CCDC178: variants seen among roughly 807,000 people sequenced by gnomAD.
CCDC178 encodes coiled-coil domain-containing protein 178.
A neutral mutation model predicts 117.4 loss-of-function variants in CCDC178; 126 were observed. The observed-to-expected ratio is 1.07, with a 90% CI of 0.93 to 1.24. The LOEUF (loss-of-function observed/expected upper bound fraction) is 1.24, where lower values mean the gene tolerates loss of function less well. Among genes scored for constraint, CCDC178 ranks in the 50% most tolerant of loss-of-function variants. The probability of loss-of-function intolerance (pLI) is 0.00; values close to 1 mark genes in which losing one functional copy is unlikely to be tolerated. For missense variants in CCDC178, 1,030 were observed against 986.9 expected (o/e 1.04, Z -0.59); for synonymous variants, 283 against 313.4 (o/e 0.90, Z 1.02).
At chr18:33,279,858 T>A (rs1268753772) in intron 12 of CCDC178, among the ~76,000 whole-genome samples, 1 of 152,146 alleles carries the variant, frequency 6.6e-6, no homozygotes, top group Non-Finnish European at 1.5e-5. Flanking sequence ...GGGAAAGGAT[T>A]CCCTATTTAA....
chr18:33,215,236 G>A (rs1440134769), intron 19 of CCDC178, among the ~76,000 whole-genome samples: 1 of 151,878 alleles, frequency 6.6e-6, no homozygotes, highest in African/African-American at 2.4e-5. Context: ...TAAACATGGA[G>A]TATAAATACT....
chr18:33,286,163 T>TGG (rs112505551), intron 12 of CCDC178, among the ~76,000 whole-genome samples: 1 of 151,628 alleles, frequency 6.6e-6, no homozygotes, highest in African/African-American at 2.4e-5. Context: ...TTAGTAGGGA[T>TGG]GGGGGGTTTC....
chr18:33,233,842 T>C (rs1007559834), intron 15 of CCDC178, among the ~76,000 whole-genome samples: 1 of 152,084 alleles, frequency 6.6e-6, no homozygotes, highest in African/African-American at 2.4e-5. Context: ...CCAGCCAGGA[T>C]TTGAATTAAG....
intron 21 of CCDC178, among the ~76,000 whole-genome samples, chr18:33,077,313 T>C (rs2057226798): frequency 1.3e-5 from 2 of 152,268 alleles, no homozygotes; most frequent in African/African-American, 4.8e-5. Flanking sequence ...GTACCTGTTA[T>C]AAGCTAAATA....
At chr18:33,080,205 T>C (rs1180596074) in intron 21 of CCDC178, among the ~76,000 whole-genome samples, 7 of 152,242 alleles carry the variant, frequency 4.6e-5, no homozygotes, top group Non-Finnish European at 1.0e-4. Context: ...CTCTCACTTA[T>C]AAGTAGGAGC....
At chr18:32,942,707 C>T (rs2054267957) in intron 22 of CCDC178, among the ~76,000 whole-genome samples, 1 of 151,750 alleles carries the variant, frequency 6.6e-6, no homozygotes, top group African/African-American at 2.4e-5. Flanking sequence ...TTTTTTTAAT[C>T]AAATTATCTC....
intron 21 of CCDC178, among the ~76,000 whole-genome samples, chr18:33,002,792 G>GA (rs1159437172): frequency 6.6e-6 from 1 of 150,762 alleles, no homozygotes; most frequent in Non-Finnish European, 1.5e-5. Flanking sequence ...GCCAAACTGA[G>GA]AAAAAAAAGA....
At chr18:33,221,843 G>A (rs1260940724) in intron 18 of CCDC178, among the ~76,000 whole-genome samples, 3 of 152,018 alleles carry the variant, frequency 2.0e-5, no homozygotes, top group African/African-American at 7.2e-5. Context: ...AGAAAAAGCT[G>A]ACCTTAATTG....
chr18:33,412,619 C>T (rs1189497530), intron 2 of CCDC178, among the ~76,000 whole-genome samples: 1 of 152,122 alleles, frequency 6.6e-6, no homozygotes, highest in Non-Finnish European at 1.5e-5. Context: ...CACCTACAAA[C>T]TGCCCTGTCT....
intron 11 of CCDC178, among the ~76,000 whole-genome samples, chr18:33,293,993 G>A (rs1406462457): frequency 6.6e-6 from 1 of 152,176 alleles, no homozygotes; most frequent in African/African-American, 2.4e-5. Context: ...GAAGAGAAGA[G>A]GAGGCAGAAG....
At chr18:33,015,771 C>T (rs1474459265) in intron 21 of CCDC178, among the ~76,000 whole-genome samples, 1 of 151,882 alleles carries the variant, frequency 6.6e-6, no homozygotes, top group Non-Finnish European at 1.5e-5. Context: ...GTATGGTGTA[C>T]AACTAGAAAC....
intron 2 of CCDC178, among the ~76,000 whole-genome samples, chr18:33,418,158 G>A (rs1334106267): frequency 6.6e-6 from 1 of 152,146 alleles, no homozygotes; most frequent in Non-Finnish European, 1.5e-5. Flanking sequence ...AATCAAGTCA[G>A]CTTTTTAAGT....
chr18:33,386,525 A>G (rs1452685374), intron 5 of CCDC178, among the ~76,000 whole-genome samples: 1 of 152,224 alleles, frequency 6.6e-6, no homozygotes, highest in Non-Finnish European at 1.5e-5. Context: ...CTTACCCACC[A>G]TGATCAAGTC....
At chr18:33,332,434 T>A (rs958509114) in intron 10 of CCDC178, among the ~76,000 whole-genome samples, 2 of 152,186 alleles carry the variant, frequency 1.3e-5, no homozygotes, top group Non-Finnish European at 2.9e-5. Context: ...GAGTTAAATA[T>A]CTAATTAACC....
chr18:32,937,993 GATACA>G lies in CCDC178; in HGVS notation c.*13_*17del. 2 of 1,575,950 alleles carry G rather than the reference GATACA, an allele frequency of 1.3e-6. No homozygotes were observed. Among genetic ancestry groups the G allele is most frequent in the African/African-American group, 2.7e-5 (2 of 73,740 alleles). On this transcript the variant is annotated 3_prime_UTR_variant, in exon 23 of 23. Transcript: ENST00000383096. Reference sequence around the variant, plus strand: ...TCTTGTCTTTTATTTCAGCATCCAAGATACATTGGTTGTTTGCTTAACCATCGTTT... The same window carrying G: ...TCTTGTCTTTTATTTCAGCATCCAAGTTGGTTGTTTGCTTAACCATCGTTT...
chr18:33,243,085 T>A (rs1215029373), intron 15 of CCDC178, among the ~76,000 whole-genome samples: 1 of 151,824 alleles, frequency 6.6e-6, no homozygotes, highest in Non-Finnish European at 1.5e-5. Context: ...AAGAATGAAA[T>A]CCTATCATTT....
At chr18:32,960,723 C>T (rs189252469) in intron 22 of CCDC178, among the ~76,000 whole-genome samples, 1 of 152,208 alleles carries the variant, frequency 6.6e-6, no homozygotes, top group East Asian at 1.9e-4. Flanking sequence ...TAATTCTACC[C>T]CAAAAATCGA....
rs180845548 is a variant in CCDC178, at chr18:33,346,134, T to A, written c.658+77A>T. On this transcript the variant is annotated intron_variant, in intron 9 of 22. Coordinates refer to ENST00000383096, the MANE Select transcript of CCDC178 (RefSeq NM_001105528.4). ...AGCCATGGCACTAAGACAATTTTTTTAAAAATATACAGACCTGTAATTAAT... is the reference window on the plus strand; with the variant it reads ...AGCCATGGCACTAAGACAATTTTTTAAAAAATATACAGACCTGTAATTAAT... The A allele has an allele frequency of 3.7e-4, 427 of 1,160,216 alleles. 1 individual carries two copies. The highest frequency in any genetic ancestry group is 2.0e-3 in the African/African-American group (129 of 63,296). The allele number at this position is 1,160,216 out of a possible 1,614,324, so 71.9% of individuals were successfully genotyped here. A position where few individuals can be genotyped will look rare whatever the true frequency, so the allele number is the denominator to read the frequency against.
At chr18:33,138,114 T>G (rs1369955796) in intron 20 of CCDC178, among the ~76,000 whole-genome samples, 1 of 152,200 alleles carries the variant, frequency 6.6e-6, no homozygotes, top group East Asian at 1.9e-4. Context: ...GTATTGTCAT[T>G]TACATCCACC....
Sources: gnomAD v4.1 joint callset for allele counts (sites outside exome capture counted in the v4.1 genomes callset) on GRCh38, gnomAD v4.1.1 for gene constraint, MANE v1.5 for transcripts, NCBI Gene and HGNC (gene_info 2026-07-23, HGNC 2026-07-21) for gene names.